Variants in CDKL3 observed in about 807,000 individuals in gnomAD.
CDKL3 encodes the protein cyclin-dependent kinase-like 3.
A neutral mutation model predicts 69.3 loss-of-function variants in CDKL3; 65 were observed. That is an observed-to-expected ratio of 0.94 (90% CI 0.77 to 1.15). The LOEUF (loss-of-function observed/expected upper bound fraction) is 1.15, where lower values mean the gene tolerates loss of function less well. Ranked by LOEUF, CDKL3 falls within the 50% of genes most tolerant of loss-of-function variation. The probability of loss-of-function intolerance (pLI) is 0.00; values close to 1 mark genes in which losing one functional copy is unlikely to be tolerated. For synonymous variants in CDKL3, 202 were observed against 221.6 expected, an observed-to-expected ratio of 0.91 and a Z score of 0.79; for missense variants, 652 against 689.2, an observed-to-expected ratio of 0.95 and a Z score of 0.61.
At position 134,366,478 on chromosome 5, in the gene CDKL3, C is replaced by T. The variant is rs544658467; in HGVS notation, c.46G>A (p.Gly16Arg). The change falls in exon 2 of 13, where the codon GGA becomes AGA. Residue 16 changes from glycine to arginine, a missense_variant. By Grantham distance (125) the Gly-to-Arg change is moderately radical (BLOSUM62 -2). Coordinates refer to ENST00000265334, the MANE Select transcript of CDKL3 (RefSeq NM_001113575.2). The stretch of plus-strand genomic sequence containing the variant: ...TTATGTTTACATTTCATGACTGTTC[C>T]GTAACTTCCCTCTCCCACTTTTCCA... ...TLGKVGEGSY[G>R]TVMKCKHKNT... The T allele has an allele frequency of 7.5e-6, 12 of 1,608,438 alleles. No individual in the cohort carries two copies. The East Asian group carries it at 1.8e-4, about 24-fold the overall frequency.
upstream of CDKL3, chr5:134,367,328 C>A (rs1301481637): frequency 2.1e-6 from 2 of 971,756 alleles, no homozygotes; most frequent in African/African-American, 3.6e-5. Flanking sequence ...TGAGCCTCCT[C>A]ACAAGGTTGC....
chr5:134,327,003 ACT>A (rs1159869079), intron 4 of CDKL3, among the ~76,000 whole-genome samples: 1 of 150,748 alleles, frequency 6.6e-6, no homozygotes, highest in African/African-American at 2.4e-5. Context: ...TTCCTTCCCC[ACT>A]CTCTGCCTGG....
chr5:134,298,585 T>C lies in CDKL3; in HGVS notation c.*66A>G, dbSNP rs1483222927. On this transcript the variant is annotated 3_prime_UTR_variant, in exon 13 of 13. Coordinates refer to ENST00000265334, the MANE Select transcript of CDKL3 (RefSeq NM_001113575.2). Reference sequence around the variant, plus strand: ...AACAACAACTCACATCACACTTCTATTGTAGATAAATAAAACGGGAAGAGT... The same window carrying C: ...AACAACAACTCACATCACACTTCTACTGTAGATAAATAAAACGGGAAGAGT... The C allele has an allele frequency of 2.5e-6, 4 of 1,588,340 alleles. No homozygotes were observed. The highest frequency in any genetic ancestry group is 2.6e-6 in the Non-Finnish European group (3 of 1,169,900).
At chr5:134,332,396 A>T (rs1009104603) in intron 4 of CDKL3, among the ~76,000 whole-genome samples, 1 of 152,068 alleles carries the variant, frequency 6.6e-6, no homozygotes, top group Non-Finnish European at 1.5e-5. Context: ...GGTATTGCCT[A>T]GGTTTTCTTT....
At chr5:134,317,585 T>C (rs1771496266) in intron 6 of CDKL3, among the ~76,000 whole-genome samples, 1 of 152,108 alleles carries the variant, frequency 6.6e-6, no homozygotes, top group East Asian at 1.9e-4. Context: ...GATCACACCA[T>C]TGCACTCCAG....
rs1427481340 is a variant in CDKL3 at position 134,321,821 on chromosome 5, C to A, written c.622G>T (p.Asp208Tyr). Residue 208 changes from aspartate (D) to tyrosine (Y), a missense_variant, in exon 5 of 13, where the codon GAT becomes TAT. Transcript: ENST00000265334. ...TTCAAAACAATTTTATGGAGTAAAT[C>A]CAAATCAGAACTACTAGGAAGATAG... Reference protein sequence around the residue: ...NPYLPSSSDLDLLHKIVLKVG... With the variant: ...NPYLPSSSDLYLLHKIVLKVG... 1.9e-6 allele frequency: 3 copies of A among 1,609,706 alleles called. No individual in the cohort carries two copies. Among genetic ancestry groups the A allele is most frequent in the Non-Finnish European group, 2.5e-6 (3 of 1,176,584 alleles).
chr5:134,313,698 C>T (rs545746214), intron 6 of CDKL3, among the ~76,000 whole-genome samples: 3 of 151,890 alleles, frequency 2.0e-5, no homozygotes, highest in South Asian at 4.2e-4. Context: ...AAATGCCATA[C>T]TGTACACTTA....
chr5:134,302,623 T>C lies in CDKL3; in HGVS notation c.1686A>G (p.Leu562=). 1 of 1,601,092 alleles carries C rather than the reference T, an allele frequency of 6.2e-7. No homozygotes were observed. The highest frequency in any genetic ancestry group is 8.5e-7 in the Non-Finnish European group (1 of 1,172,466). The change falls in exon 12 of 13, where the codon TTA becomes TTG. Residue 562 remains leucine (L), a synonymous_variant. Coordinates refer to ENST00000265334, the MANE Select transcript of CDKL3 (RefSeq NM_001113575.2). The part of the protein sequence containing the change: ...KKTESSKIPT[L]LNVDQNQEKQ... ...TTTCTTGATTTTGATCCACGTTAAG[T>C]AAAGTTGGTATCTTAGATGACTCTG...
chr5:134,288,360 G>A (rs1441448027), intron 8 of CDKL3, among the ~76,000 whole-genome samples: 2 of 152,070 alleles, frequency 1.3e-5, no homozygotes, highest in African/African-American at 4.8e-5. Flanking sequence ...ACTCTAACTG[G>A]GTCTCCAGAG....
At chr5:134,344,561 T>C (rs1366284617) in intron 4 of CDKL3, among the ~76,000 whole-genome samples, 1 of 152,072 alleles carries the variant, frequency 6.6e-6, no homozygotes, top group African/African-American at 2.4e-5. Context: ...TCAACCTCAG[T>C]AGACATTAGG....
intron 6 of CDKL3, among the ~76,000 whole-genome samples, chr5:134,317,914 C>T (rs1278907708): frequency 6.6e-6 from 1 of 151,984 alleles, no homozygotes; most frequent in Non-Finnish European, 1.5e-5. Context: ...TTTACAAAAA[C>T]AAAACAGAAC....
At chr5:134,333,565 G>A (rs1484472921) in intron 4 of CDKL3, among the ~76,000 whole-genome samples, 2 of 152,194 alleles carry the variant, frequency 1.3e-5, no homozygotes, top group African/African-American at 2.4e-5. Flanking sequence ...CATCTATTGA[G>A]ATAATCATGT....
At chr5:134,316,910 A>G in intron 6 of CDKL3, among the ~76,000 whole-genome samples, 1 of 152,262 alleles carries the variant, frequency 6.6e-6, no homozygotes, top group South Asian at 2.1e-4. Context: ...CCAAATTGAT[A>G]ATAGTAATTT....
chr5:134,332,830 G>A (rs1479498962), intron 4 of CDKL3, among the ~76,000 whole-genome samples: 1 of 152,214 alleles, frequency 6.6e-6, no homozygotes, highest in African/African-American at 2.4e-5. Flanking sequence ...ATTCTGTGAA[G>A]AAAGCCAGTG....
Position 134,304,394 on chromosome 5 carries a change from C to A in CDKL3, c.1621+11G>T. On this transcript the variant is annotated intron_variant, in intron 11 of 12. Transcript: ENST00000265334. ...TCATCATAATTGTAAAGCTATGCAA[C>A]AAATGTGTACCTTCCATTCCTTTTG... 6.3e-7 allele frequency: 1 copy of A among 1,588,830 alleles called. No homozygotes were observed. Among genetic ancestry groups the A allele is most frequent in the South Asian group, 1.1e-5 (1 of 87,068 alleles).
chr5:134,349,403 T>A (rs557378932), intron 4 of CDKL3, among the ~76,000 whole-genome samples: 3 of 152,122 alleles, frequency 2.0e-5, no homozygotes, highest in Non-Finnish European at 4.4e-5. Context: ...AATTCTCCTG[T>A]TTCAGCCTCC....
chr5:134,307,518 G>A (rs1768200778), intron 9 of CDKL3, among the ~76,000 whole-genome samples: 1 of 152,132 alleles, frequency 6.6e-6, no homozygotes, highest in South Asian at 2.1e-4. Context: ...ATCCTCTTGG[G>A]CTAATGAACC....
upstream of CDKL3, chr5:134,371,159 T>C (rs34819166): frequency 4.8e-5 from 13 of 268,630 alleles, no homozygotes; most frequent in East Asian, 1.5e-3. Context: ...CTCCTTTCCC[T>C]GAAATCTCTG....
chr5:134,306,555 A>T, intron 10 of CDKL3, 54 bp downstream of exon 10: 1 of 1,054,058 alleles, frequency 9.5e-7, no homozygotes, highest in East Asian at 2.4e-5. Flanking sequence ...AGAAAAGGAA[A>T]AAAGAAGTAA....
Sources: gnomAD v4.1 joint callset for allele counts (sites outside exome capture counted in the v4.1 genomes callset) on GRCh38, gnomAD v4.1.1 for gene constraint, MANE v1.5 for transcripts, NCBI Gene and HGNC (gene_info 2026-07-23, HGNC 2026-07-21) for gene names.